The following CORIN variants were observed in gnomAD, a reference collection of about 807,000 sequenced individuals.
CORIN encodes the protein corin, serine peptidase.
In CORIN, 117 loss-of-function variants were observed where a neutral mutation model predicts 125.3. That is an observed-to-expected ratio of 0.93 (90% CI 0.80 to 1.09). The LOEUF is 1.09. Ranked by LOEUF, CORIN falls within the 50% of genes least tolerant of loss-of-function variation. The pLI is 0.00. For missense variants in CORIN, 1,253 were observed against 1,306.7 expected, an observed-to-expected ratio of 0.96 and a Z score of 0.63; for synonymous variants, 450 against 466.4, an observed-to-expected ratio of 0.96 and a Z score of 0.45.
At chr4:47,802,924 C>G (rs1731607979) in intron 2 of CORIN, among the ~76,000 whole-genome samples, 1 of 152,164 alleles carries the variant, frequency 6.6e-6, no homozygotes, top group Admixed American at 6.6e-5. Context: ...GAGAGAGAGA[C>G]TCTGTTTGTT....
intron 1 of CORIN, among the ~76,000 whole-genome samples, chr4:47,811,852 TACA>T (rs1376579431): frequency 2.6e-5 from 4 of 152,338 alleles, no homozygotes; most frequent in South Asian, 2.1e-4. Flanking sequence ...CTGCTGCTAC[TACA>T]ACAACATTGA....
At chr4:47,736,322 G>A (rs1728132056) in intron 5 of CORIN, among the ~76,000 whole-genome samples, 1 of 152,114 alleles carries the variant, frequency 6.6e-6, no homozygotes, top group Non-Finnish European at 1.5e-5. Flanking sequence ...TGGCCATGAG[G>A]TAGTAACTTG....
At chr4:47,783,232 A>T (rs1730630751) in intron 3 of CORIN, among the ~76,000 whole-genome samples, 1 of 152,144 alleles carries the variant, frequency 6.6e-6, no homozygotes, top group South Asian at 2.1e-4. Flanking sequence ...AAAAACCCAG[A>T]TATAGAATAC....
At chr4:47,640,985 T>C (rs1723210335) in intron 16 of CORIN, among the ~76,000 whole-genome samples, 1 of 152,198 alleles carries the variant, frequency 6.6e-6, no homozygotes, top group Admixed American at 6.5e-5. Flanking sequence ...TCACAAAGTT[T>C]AAAATTCCTT....
chr4:47,595,934 T>A (rs1162141292), intron 21 of CORIN, 31 bp from the exon 22 acceptor site: 2 of 1,581,174 alleles, frequency 1.3e-6, no homozygotes, highest in Middle Eastern at 1.7e-4. Context: ...AGTTAGGAAC[T>A]GGCATTTCAG....
chr4:47,615,787 A>G (rs1192662837), intron 19 of CORIN, among the ~76,000 whole-genome samples: 1 of 152,180 alleles, frequency 6.6e-6, no homozygotes, highest in Non-Finnish European at 1.5e-5. Context: ...CAAATCACCC[A>G]GCTTGTGATA....
intron 1 of CORIN, among the ~76,000 whole-genome samples, chr4:47,814,545 A>G (rs1732185107): frequency 6.6e-6 from 1 of 152,196 alleles, no homozygotes; most frequent in Non-Finnish European, 1.5e-5. Context: ...TTAAAAGTAG[A>G]TTTGTTGAGT....
chr4:47,784,781 A>G (rs959055054), intron 3 of CORIN, among the ~76,000 whole-genome samples: 1 of 152,204 alleles, frequency 6.6e-6, no homozygotes, highest in African/African-American at 2.4e-5. Flanking sequence ...AGGAAAATAA[A>G]TTTAACTTGG....
intron 5 of CORIN, among the ~76,000 whole-genome samples, chr4:47,715,523 T>C (rs1173214838): frequency 6.6e-6 from 1 of 152,042 alleles, no homozygotes; most frequent in East Asian, 1.9e-4. Context: ...GAGAATTGCT[T>C]GAATCCAGGA....
At chr4:47,667,183 G>A (rs1724518647) in intron 10 of CORIN, among the ~76,000 whole-genome samples, 3 of 152,184 alleles carry the variant, frequency 2.0e-5, no homozygotes, top group Non-Finnish European at 4.4e-5. Context: ...CATGTGAGAC[G>A]TGCCTTTTAC....
intron 1 of CORIN, among the ~76,000 whole-genome samples, chr4:47,812,284 G>A (rs924691433): frequency 1.3e-5 from 2 of 152,044 alleles, no homozygotes; most frequent in South Asian, 4.2e-4. Flanking sequence ...GATTATTTGA[G>A]CCCAGGAGTT....
chr4:47,663,419 C>A (rs923224405), intron 11 of CORIN, among the ~76,000 whole-genome samples: 5 of 151,894 alleles, frequency 3.3e-5, no homozygotes, highest in African/African-American at 9.7e-5. Context: ...TCAAAAATTT[C>A]TTATAAACAA....
At chr4:47,718,810 C>T (rs1247775290) in intron 5 of CORIN, among the ~76,000 whole-genome samples, 1 of 152,190 alleles carries the variant, frequency 6.6e-6, no homozygotes, top group Admixed American at 6.5e-5. Flanking sequence ...CAGAAGATGT[C>T]TATTCCTTAG....
intron 16 of CORIN, among the ~76,000 whole-genome samples, chr4:47,632,928 A>G (rs1190445510): frequency 3.3e-5 from 5 of 152,096 alleles, no homozygotes; most frequent in African/African-American, 9.7e-5. Context: ...CTACAGGCTC[A>G]TGCGACCACG....
intron 4 of CORIN, among the ~76,000 whole-genome samples, chr4:47,750,488 A>G (rs4371590): frequency 0.97 from 147,907 of 152,286 alleles, 71,865 homozygotes; most frequent in East Asian, 1. Context: ...GGCTCTGATC[A>G]CCTACAGAAG....
intron 14 of CORIN, 92 bp downstream of exon 14, chr4:47,644,989 A>C: frequency 1.5e-6 from 1 of 670,328 alleles, no homozygotes; most frequent in East Asian, 2.6e-5. Flanking sequence ...ATTTGTATGC[A>C]TATTTACACA....
At chr4:47,789,256 T>A (rs1730959344) in intron 2 of CORIN, among the ~76,000 whole-genome samples, 1 of 151,756 alleles carries the variant, frequency 6.6e-6, no homozygotes, top group South Asian at 2.1e-4. Context: ...GTGAGCCGAG[T>A]TTGCACCATT....
In CORIN at chr4:47,774,808, A is replaced by T. The variant is rs1435026497; in HGVS notation, c.410-11222T>A. Among the ~76,000 whole-genome samples the T allele has an allele frequency of 2.0e-5, 3 of 152,228 alleles. No homozygotes were observed. In the East Asian group the frequency reaches 5.8e-4, roughly 29 times the overall value. On this transcript the variant is annotated intron_variant, in intron 3 of 21. Coordinates refer to ENST00000273857, the MANE Select transcript of CORIN (RefSeq NM_006587.4). ...AGGAAATCCTGCCATATGATATGGT[A>T]TGCATGAAACTTGAGGACATTATGC...
intron 17 of CORIN, among the ~76,000 whole-genome samples, chr4:47,625,238 A>T (rs1156252507): frequency 6.6e-6 from 1 of 152,158 alleles, no homozygotes; most frequent in Non-Finnish European, 1.5e-5. Flanking sequence ...TGAACTTGGC[A>T]TTAAAGAAAT....
Sources: allele counts gnomAD v4.1 joint callset (sites outside exome capture counted in the v4.1 genomes callset), GRCh38; gene constraint gnomAD v4.1.1; transcripts MANE v1.5; gene names NCBI Gene and HGNC (gene_info 2026-07-23, HGNC 2026-07-21).